GAB2: variants seen among roughly 807,000 people sequenced by gnomAD.
GAB2 encodes the protein GRB2-associated-binding protein 2.
Under a neutral mutation model 65.5 loss-of-function variants are expected in GAB2, and 26 were observed. That is an observed-to-expected ratio of 0.40 (90% confidence interval 0.29 to 0.55). The LOEUF is 0.55. Ranked by LOEUF, GAB2 falls within the 20% of genes least tolerant of loss-of-function variation. The pLI is 0.53. For synonymous variants in GAB2, 321 were observed against 329.6 expected, an observed-to-expected ratio of 0.97 and a Z score of 0.28; for missense variants, 884 against 875.8, an observed-to-expected ratio of 1.01 and a Z score of -0.12.
intron 1 of GAB2, among the ~76,000 whole-genome samples, chr11:78,314,289 C>G (rs1202047367): frequency 6.6e-6 from 1 of 152,146 alleles, no homozygotes; most frequent in Non-Finnish European, 1.5e-5. Flanking sequence ...ACAAAAAACA[C>G]CATATAGACA....
At chr11:78,256,032 T>C (rs751172693) in intron 2 of GAB2, among the ~76,000 whole-genome samples, 3 of 152,150 alleles carry the variant, frequency 2.0e-5, no homozygotes, top group Non-Finnish European at 4.4e-5. Context: ...TATTAATATC[T>C]AGGATAACTT....
At chr11:78,363,025 A>T (rs568631512) in intron 1 of GAB2, among the ~76,000 whole-genome samples, 1 of 152,278 alleles carries the variant, frequency 6.6e-6, no homozygotes, top group Admixed American at 6.5e-5. Flanking sequence ...ATAATGGGAG[A>T]TTTTTAAACA....
At chr11:78,316,446 C>G (rs1421315290) in intron 1 of GAB2, among the ~76,000 whole-genome samples, 1 of 151,982 alleles carries the variant, frequency 6.6e-6, no homozygotes, top group Non-Finnish European at 1.5e-5. Flanking sequence ...ACTACAATAA[C>G]AACAAAAACA....
intron 1 of GAB2, among the ~76,000 whole-genome samples, chr11:78,348,187 A>G (rs952025058): frequency 1.3e-5 from 2 of 152,144 alleles, no homozygotes. Context: ...AAGGGGAGGA[A>G]GGGGAGGCAG....
chr11:78,291,294 C>CAAAAAAA (rs397848614), intron 1 of GAB2, among the ~76,000 whole-genome samples: 7 of 103,832 alleles, frequency 6.7e-5, no homozygotes, highest in East Asian at 2.7e-4. Flanking sequence ...ACTAAAACGA[C>CAAAAAAA]AAAAAAAAAA....
At chr11:78,227,764 C>G (rs991088652) in intron 3 of GAB2, among the ~76,000 whole-genome samples, 6 of 152,050 alleles carry the variant, frequency 3.9e-5, no homozygotes, top group African/African-American at 1.4e-4. Flanking sequence ...CGCACCACTG[C>G]ATTCCAGTCT....
chr11:78,291,075 G>T (rs1302974419), intron 1 of GAB2, among the ~76,000 whole-genome samples: 2 of 138,306 alleles, frequency 1.4e-5, no homozygotes, highest in Admixed American at 7.3e-5. Flanking sequence ...CTTAGAAAAA[G>T]AAGTGGTGGC....
Position 78,244,866 on chromosome 11 carries a change from A to AAACAGTATG in GAB2, c.620+5282_620+5290dup, listed in dbSNP as rs201066007. Among the ~76,000 whole-genome samples the AAACAGTATG allele has an allele frequency of 8.1e-4, 124 of 152,308 alleles. 1 individual carries two copies. In the East Asian group the frequency reaches 0.022, roughly 27 times the overall value. ...TGTAAATTAGTACAGTCGTTATGGA[A>AAACAGTATG]AACAGTATGAAAGTTCCTCAAAAAA... On this transcript the variant is annotated intron_variant, in intron 3 of 9. Transcript: ENST00000361507.
chr11:78,243,120 C>G (rs764355747), intron 3 of GAB2, among the ~76,000 whole-genome samples: 4 of 150,610 alleles, frequency 2.7e-5, no homozygotes, highest in Admixed American at 2.0e-4. Flanking sequence ...TGAGATCACA[C>G]CACCGTACTC....
intron 1 of GAB2, among the ~76,000 whole-genome samples, chr11:78,389,022 T>G (rs890520007): frequency 5.3e-5 from 8 of 152,190 alleles, no homozygotes; most frequent in Non-Finnish European, 1.0e-4. Context: ...AAACTGATAT[T>G]TAATGAGTAC....
intron 1 of GAB2, among the ~76,000 whole-genome samples, chr11:78,389,259 T>C (rs1298382904): frequency 6.6e-6 from 1 of 152,040 alleles, no homozygotes. Flanking sequence ...AACAACTCCA[T>C]GTCCTTTTCT....
intron 1 of GAB2, among the ~76,000 whole-genome samples, chr11:78,402,350 T>C (rs1856984169): frequency 6.6e-6 from 1 of 152,194 alleles, no homozygotes; most frequent in Non-Finnish European, 1.5e-5. Flanking sequence ...GTCCCAGAAC[T>C]TGGGCACTTG....
At chr11:78,235,377 C>G (rs998507514) in intron 3 of GAB2, among the ~76,000 whole-genome samples, 3 of 152,084 alleles carry the variant, frequency 2.0e-5, no homozygotes, top group Non-Finnish European at 2.9e-5. Flanking sequence ...TGGTCTCGAT[C>G]TCCTGACCTT....
chr11:78,258,521 T>G (rs1387936548), intron 2 of GAB2, among the ~76,000 whole-genome samples: 1 of 152,160 alleles, frequency 6.6e-6, no homozygotes, highest in Non-Finnish European at 1.5e-5. Context: ...TTTTTTCCCC[T>G]CAATGAGAAA....
intron 1 of GAB2, among the ~76,000 whole-genome samples, chr11:78,309,854 G>A (rs1409694194): frequency 6.6e-6 from 1 of 151,970 alleles, no homozygotes; most frequent in Admixed American, 6.6e-5. Context: ...GATCAAGGGT[G>A]GCAGAGAGAG....
chr11:78,324,958 A>C (rs978078641), intron 1 of GAB2, among the ~76,000 whole-genome samples: 3 of 152,200 alleles, frequency 2.0e-5, no homozygotes, highest in South Asian at 2.1e-4. Flanking sequence ...GGAACTTTGC[A>C]ACCCAATTTA....
At chr11:78,352,041 G>A (rs964155674) in intron 1 of GAB2, among the ~76,000 whole-genome samples, 3 of 152,040 alleles carry the variant, frequency 2.0e-5, no homozygotes, top group South Asian at 2.1e-4. Context: ...GTGAAACCCC[G>A]CCTCTACTAA....
intron 1 of GAB2, among the ~76,000 whole-genome samples, chr11:78,391,564 C>T (rs902000417): frequency 6.6e-6 from 1 of 152,314 alleles, no homozygotes; most frequent in African/African-American, 2.4e-5. Context: ...TTAGAGACTG[C>T]CATGAGAGGA....
chr11:78,325,149 G>A (rs1280520712), intron 1 of GAB2, among the ~76,000 whole-genome samples: 2 of 152,184 alleles, frequency 1.3e-5, no homozygotes, highest in Non-Finnish European at 2.9e-5. Flanking sequence ...TGTTTGTCAA[G>A]TCCCATCCAA....
Sources: gnomAD v4.1 joint callset for allele counts (sites outside exome capture counted in the v4.1 genomes callset) on GRCh38, gnomAD v4.1.1 for gene constraint, MANE v1.5 for transcripts, NCBI Gene and HGNC (gene_info 2026-07-23, HGNC 2026-07-21) for gene names.